Variants in SLIT3 observed in about 807,000 individuals in gnomAD.
SLIT3 encodes slit homolog 3 protein.
A neutral mutation model predicts 184.0 loss-of-function variants in SLIT3; 68 were observed. That is an observed-to-expected ratio of 0.37 (90% CI 0.30 to 0.45). SLIT3 has a LOEUF of 0.45. Among genes scored for constraint, SLIT3 ranks in the 20% least tolerant of loss-of-function variants. The pLI, the probability that SLIT3 is intolerant of heterozygous loss-of-function variation, is 1.00. For synonymous variants in SLIT3, 831 were observed against 828.6 expected (o/e 1.00, Z -0.05); for missense variants, 1,707 against 2,026.0 (o/e 0.84, Z 3.02).
chr5:168,736,655 GCTGCAATGCAGAGTGCCT>G (rs1763445159), intron 20 of SLIT3, among the ~76,000 whole-genome samples: 1 of 146,836 alleles, frequency 6.8e-6, no homozygotes, highest in African/African-American at 2.7e-5. Context: ...CCTCCTCCCT[GCTGCAATGCAGAGTGCCT>G]GGGCTTGCCT....
intron 4 of SLIT3, among the ~76,000 whole-genome samples, chr5:168,971,191 G>A (rs1432407030): frequency 6.6e-6 from 1 of 152,242 alleles, no homozygotes; most frequent in Non-Finnish European, 1.5e-5. Context: ...GCACCATCTA[G>A]TGACCATTGC....
Position 168,736,395 on chromosome 5 carries a change from A to T in SLIT3, c.2270+11907T>A, listed in dbSNP as rs148434319. 1.4e-3 allele frequency among the ~76,000 whole-genome samples: 217 copies of T among 152,248 alleles called. 1 individual carries two copies. Among genetic ancestry groups the T allele is most frequent in the Middle Eastern group, 6.8e-3 (2 of 294 alleles). On this transcript the variant is annotated intron_variant, in intron 20 of 35. Coordinates refer to ENST00000519560, the MANE Select transcript of SLIT3 (RefSeq NM_003062.4). Reference sequence around the variant, plus strand: ...CCCAGAGCTGGTCCACTCTCCAAAGATGTGATCAACCCCTCCAGCTGGCTG... The same window carrying T: ...CCCAGAGCTGGTCCACTCTCCAAAGTTGTGATCAACCCCTCCAGCTGGCTG...
chr5:169,145,327 A>G (rs1330561130), intron 4 of SLIT3, among the ~76,000 whole-genome samples: 1 of 152,190 alleles, frequency 6.6e-6, no homozygotes, highest in African/African-American at 2.4e-5. Context: ...TCTGCTGAGG[A>G]CAGGGGCCTT....
chr5:169,018,796 G>C (rs953872961), intron 4 of SLIT3: 2 of 152,174 alleles, frequency 1.3e-5, no homozygotes, highest in Admixed American at 1.3e-4. Context: ...TATTTCTAGG[G>C]AAATGCAGGG....
chr5:169,150,433 G>C (rs1017703050), intron 4 of SLIT3, among the ~76,000 whole-genome samples: 2 of 151,904 alleles, frequency 1.3e-5, no homozygotes, highest in Admixed American at 1.3e-4. Context: ...CCTAAACAAA[G>C]GTCTAACTAA....
Position 168,700,570 on chromosome 5 carries a change from G to A in SLIT3, c.2942+12C>T, listed in dbSNP as rs763122347. 13 of 1,596,974 alleles carry A rather than the reference G, an allele frequency of 8.1e-6. No homozygotes were observed. Among genetic ancestry groups the A allele is most frequent in the Non-Finnish European group, 1.1e-5 (13 of 1,164,426 alleles). On this transcript the variant is annotated intron_variant, in intron 27 of 35. Coordinates refer to ENST00000519560, the MANE Select transcript of SLIT3 (RefSeq NM_003062.4). ...ACTAATACAGTGAGGGAGGCCAGGG[G>A]TGAACTGTTACCTGAACCCATCCTT... is the stretch of plus-strand genomic sequence containing the variant.
intron 9 of SLIT3, among the ~76,000 whole-genome samples, chr5:168,806,096 G>C (rs1403944658): frequency 6.6e-6 from 1 of 152,238 alleles, no homozygotes; most frequent in African/African-American, 2.4e-5. Context: ...TTTAGGCCTT[G>C]TGGGCCATGC....
chr5:169,172,078 G>A (rs184753970), intron 4 of SLIT3, among the ~76,000 whole-genome samples: 1 of 152,286 alleles, frequency 6.6e-6, no homozygotes, highest in Admixed American at 6.5e-5. Context: ...CCTCGGAAAT[G>A]TTTTTCAACT....
chr5:169,159,965 G>T (rs1052754194), intron 4 of SLIT3, among the ~76,000 whole-genome samples: 1 of 152,120 alleles, frequency 6.6e-6, no homozygotes, highest in Non-Finnish European at 1.5e-5. Context: ...CTGGGATAAG[G>T]CCACAACATA....
chr5:168,716,497 C>A (rs1297464366), intron 23 of SLIT3, among the ~76,000 whole-genome samples: 5 of 152,246 alleles, frequency 3.3e-5, no homozygotes, highest in Non-Finnish European at 7.3e-5. Flanking sequence ...TGATTGTTAT[C>A]ACTGTCATGA....
intron 5 of SLIT3, among the ~76,000 whole-genome samples, chr5:168,850,544 A>G (rs552974494): frequency 1.3e-5 from 2 of 152,174 alleles, no homozygotes; most frequent in Non-Finnish European, 2.9e-5. Flanking sequence ...ATTTACAGAG[A>G]TATTTAGATA....
intron 34 of SLIT3, 65 bp from the exon 35 acceptor site, chr5:168,670,056 T>G (rs991086883): frequency 4.2e-6 from 6 of 1,419,048 alleles, no homozygotes; most frequent in Non-Finnish European, 9.9e-7. Flanking sequence ...GGACTCCCTC[T>G]GTCCACCCAG....
chr5:168,911,329 C>A (rs1377698739), intron 4 of SLIT3, among the ~76,000 whole-genome samples: 2 of 152,156 alleles, frequency 1.3e-5, no homozygotes, highest in African/African-American at 2.4e-5. Context: ...CCCACCCGAC[C>A]TTTCTGCATG....
rs544873809 is a variant in SLIT3 at position 169,290,823 on chromosome 5, C to T, written c.197+9690G>A. Among the ~76,000 whole-genome samples the T allele has an allele frequency of 2.6e-5, 4 of 151,268 alleles. No homozygotes were observed. The East Asian group carries it at 7.8e-4, about 30-fold the overall frequency. On this transcript the variant is annotated intron_variant, in intron 1 of 35. Coordinates refer to ENST00000519560, the MANE Select transcript of SLIT3 (RefSeq NM_003062.4). ...GCATACACTGGGGCACATGCTATGG[C>T]ACCCACTAGGGCACACGCTAGGGCA...
chr5:168,787,086 G>C (rs1756181024), intron 11 of SLIT3, among the ~76,000 whole-genome samples: 1 of 152,222 alleles, frequency 6.6e-6, no homozygotes, highest in Non-Finnish European at 1.5e-5. Flanking sequence ...TGGGAGTGAA[G>C]AGTGAATGTC....
At chr5:169,231,117 G>A (rs1369061068) in intron 3 of SLIT3, among the ~76,000 whole-genome samples, 1 of 152,154 alleles carries the variant, frequency 6.6e-6, no homozygotes, top group Non-Finnish European at 1.5e-5. Context: ...AGTTTGCAAT[G>A]TCCCATATCT....
At chr5:169,266,678 C>T (rs915666770) in intron 1 of SLIT3, among the ~76,000 whole-genome samples, 3 of 152,148 alleles carry the variant, frequency 2.0e-5, no homozygotes, top group African/African-American at 7.2e-5. Context: ...TGTTTTGTTA[C>T]TGATATATCT....
intron 4 of SLIT3, among the ~76,000 whole-genome samples, chr5:169,096,174 T>A (rs1299593052): frequency 6.6e-6 from 1 of 152,226 alleles, no homozygotes; most frequent in Non-Finnish European, 1.5e-5. Context: ...TACTGGAAAT[T>A]TTTCCACATT....
intron 35 of SLIT3, 69 bp from the exon 36 acceptor site, chr5:168,666,758 G>A: frequency 6.2e-7 from 1 of 1,608,202 alleles, no homozygotes; most frequent in Non-Finnish European, 8.5e-7. Context: ...CAGTTCCCAG[G>A]TAGGCTGCTT....
Sources: gnomAD v4.1 joint callset for allele counts (sites outside exome capture counted in the v4.1 genomes callset) on GRCh38, gnomAD v4.1.1 for gene constraint, MANE v1.5 for transcripts, NCBI Gene and HGNC (gene_info 2026-07-23, HGNC 2026-07-21) for gene names.